The following LCTL variants were observed in gnomAD, a reference collection of about 807,000 sequenced individuals.
LCTL encodes the protein lactase like.
LCTL carries 76 observed loss-of-function variants against 75.8 expected under a neutral mutation model. That is an observed-to-expected ratio of 1.00 (90% CI 0.83 to 1.21). The LOEUF is 1.21. Ranked by LOEUF, LCTL falls within the 50% of genes most tolerant of loss-of-function variation. The pLI is 0.00. For missense variants in LCTL, 670 were observed against 712.4 expected, an observed-to-expected ratio of 0.94 and a Z score of 0.68; for synonymous variants, 271 against 268.8, an observed-to-expected ratio of 1.01 and a Z score of -0.08.
intron 6 of LCTL, among the ~76,000 whole-genome samples, chr15:66,559,226 G>A (rs1206385850): frequency 1.3e-5 from 2 of 152,128 alleles, no homozygotes; most frequent in African/African-American, 4.8e-5. Flanking sequence ...GTTAAAATTT[G>A]AGAAGTACCA....
At chr15:66,561,021 T>A (rs1284852584) in exon 6 of LCTL, 3 of 1,613,984 alleles carry the variant, frequency 1.9e-6, no homozygotes, top group African/African-American at 1.3e-5. Context: ...TGATGTGGTG[T>A]GCTGCCTTGT....
chr15:66,551,518 T>TA, intron 11 of LCTL, 144 bp downstream of exon 12: 1 of 650,504 alleles, frequency 1.5e-6, no homozygotes, highest in Admixed American at 2.7e-5. Context: ...AGCAAATGAG[T>TA]AAAGGTGAAA....
chr15:66,565,767 G>A (rs925887411), upstream of LCTL: 3 of 186,620 alleles, frequency 1.6e-5, no homozygotes, highest in African/African-American at 2.4e-5. Context: ...CCCCCAAGCC[G>A]GGGTTGCCCA....
intron 11 of LCTL, 28 bp from the exon 13 acceptor site, chr15:66,550,132 G>A (rs758665499): frequency 6.1e-6 from 9 of 1,470,480 alleles, no homozygotes; most frequent in African/African-American, 1.4e-5. Context: ...GATAAGTAAT[G>A]TTGTCTTAGA....
chr15:66,561,135 TAAG>T (rs1895876709), intron 5 of LCTL, 34 bp from the exon 7 acceptor site: 4 of 1,613,980 alleles, frequency 2.5e-6, no homozygotes, highest in African/African-American at 1.3e-5. Context: ...ACAGGATCCA[TAAG>T]AAGTGGCAGG....
At chr15:66,565,643 A>C (rs916122613), upstream of LCTL, 12 of 422,934 alleles carry the variant, frequency 2.8e-5, no homozygotes, top group African/African-American at 2.3e-4. Context: ...CATACCCCTG[A>C]GTGGCCTCTA....
rs145488280 is a variant in LCTL at position 66,557,330 on chromosome 15, A to T, written c.922+392T>A. ...TCTTCTCCAACACTGTGGAAACTGG[A>T]GCTTGGAAAGTATTTCTCCATTGAC... On this transcript the variant is annotated intron_variant, in intron 8 of 12. Coordinates refer to ENST00000341509, the Ensembl canonical transcript of LCTL. Among the ~76,000 whole-genome samples the T allele has an allele frequency of 5.9e-5, 9 of 152,262 alleles. No individual in the cohort carries two copies. In the East Asian group the frequency reaches 1.5e-3, roughly 26 times the overall value.
At chr15:66,563,750 A>G (rs1283482184) in intron 3 of LCTL, 125 bp from the exon 5 acceptor site, 7 of 854,868 alleles carry the variant, frequency 8.2e-6, no homozygotes, top group African/African-American at 1.7e-5. Flanking sequence ...GCCCACCAGC[A>G]TTCTGGGAGC....
intron 11 of LCTL, 88 bp downstream of exon 12, chr15:66,551,571 AGAG>A (rs1466819900): frequency 9.9e-7 from 1 of 1,006,376 alleles, no homozygotes; most frequent in Non-Finnish European, 1.5e-6. Flanking sequence ...CATGGAGGAA[AGAG>A]AAGAGAAACT....
At chr15:66,558,068 C>A (rs1156998325) in intron 6 of LCTL, 32 bp from the exon 8 acceptor site, 2 of 1,558,266 alleles carry the variant, frequency 1.3e-6, no homozygotes, top group Non-Finnish European at 1.7e-6. Flanking sequence ...ATCGTAGGTA[C>A]CTGGCCCATC....
At chr15:66,563,457 G>T (rs1895943543) in intron 4 of LCTL, 59 bp downstream of exon 5, 2 of 1,210,264 alleles carry the variant, frequency 1.7e-6, no homozygotes, top group Non-Finnish European at 1.2e-6. Flanking sequence ...TCCTCAAACT[G>T]GGCTCCCTCC....
intron 2 of LCTL, chr15:66,564,463 T>A: frequency 1.8e-6 from 1 of 565,704 alleles, no homozygotes; most frequent in Non-Finnish European, 3.1e-6. Context: ...CCTTTCCTCC[T>A]ACATCCACCT....
At chr15:66,563,516 C>A (rs375609486) in exon 4 of LCTL, 2 of 1,609,744 alleles carry the variant, frequency 1.2e-6, no homozygotes, top group African/African-American at 1.3e-5. Flanking sequence ...AGGTCCTCAC[C>A]TGTGGCAGAT....
In LCTL at chr15:66,548,475, A is replaced by G. The variant is rs531983026; in HGVS notation, c.*15T>C. The G allele has an allele frequency of 2.7e-6, 4 of 1,459,168 alleles. No homozygotes were observed. The Admixed American group carries it at 5.1e-5, about 19-fold the overall frequency. The allele number at this position is 1,459,168 out of a possible 1,614,324, so 90.4% of individuals were successfully genotyped here. On this transcript the variant is annotated 3_prime_UTR_variant, in exon 13 of 13. Coordinates refer to ENST00000341509, the Ensembl canonical transcript of LCTL. ...GAAGATTCTCTTATGAAGCTCCAAA[A>G]TTGATAATCCTGTCTCAGCTCTGCC... is the stretch of plus-strand genomic sequence containing the variant.
Position 66,548,613 on chromosome 15 carries a change from G to A in LCTL, c.1589-8C>T. On this transcript the variant is annotated splice_region_variant and splice_polypyrimidine_tract_variant and intron_variant, in intron 12 of 12. Transcript: ENST00000341509. ...TGTGACTTAGCAAGGGCTCTGAAAT[G>A]ACAAAGAGAACGAGCACCACAAATG... 1 of 1,457,390 alleles carries A rather than the reference G, an allele frequency of 6.9e-7. No individual in the cohort carries two copies. The highest frequency in any genetic ancestry group is 1.4e-5 in the African/African-American group (1 of 72,024). The allele number at this position is 1,457,390 out of a possible 1,614,324, so 90.3% of individuals were successfully genotyped here. A position where few individuals can be genotyped will look rare whatever the true frequency, so the allele number is the denominator to read the frequency against.
intron 4 of LCTL, 106 bp from the exon 6 acceptor site, chr15:66,561,421 A>C: frequency 7.9e-7 from 1 of 1,270,482 alleles, no homozygotes. Context: ...GAGGCCGCAC[A>C]GGGAGACTGG....
At chr15:66,550,088 A>G in exon 12 of LCTL, 2 of 1,603,382 alleles carry the variant, frequency 1.2e-6, no homozygotes, top group South Asian at 2.3e-5. Flanking sequence ...CAAAGCTTTG[A>G]GGTACCAACT....
At chr15:66,553,238 C>T in exon 9 of LCTL, 1 of 1,583,168 alleles carries the variant, frequency 6.3e-7, no homozygotes, top group Non-Finnish European at 8.6e-7. Context: ...ATCTCCAGGC[C>T]TTGCTCTGCA....
exon 11 of LCTL, chr15:66,551,767 G>A: frequency 5.6e-6 from 9 of 1,613,586 alleles, no homozygotes; most frequent in Non-Finnish European, 7.6e-6. Context: ...CAACATAGTA[G>A]AATCCATATC....
Sources: gnomAD v4.1 joint callset for allele counts (sites outside exome capture counted in the v4.1 genomes callset) on GRCh38, gnomAD v4.1.1 for gene constraint, MANE v1.5 for transcripts, NCBI Gene and HGNC (gene_info 2026-07-23, HGNC 2026-07-21) for gene names.